XRCC5: variants seen among roughly 807,000 people sequenced by gnomAD.
The protein encoded by XRCC5 is X-ray repair cross complementing 5, also known as DNA repair protein Ku80.
XRCC5 carries 12 observed loss-of-function variants against 95.7 expected under a neutral mutation model. The ratio of observed to expected loss-of-function variants is 0.13; its 90% CI spans 0.08 to 0.20. XRCC5 has a LOEUF of 0.20. Among genes scored for constraint, XRCC5 ranks in the 10% least tolerant of loss-of-function variants. XRCC5 has a pLI of 1.00. For missense variants in XRCC5, 595 were observed against 873.9 expected (o/e 0.68, Z 4.02); for synonymous variants, 281 against 290.3 (o/e 0.97, Z 0.33).
rs1384716702 is a variant in XRCC5, at chr2:216,195,294, T to A, written c.2109+308T>A. 3.3e-5 allele frequency among the ~76,000 whole-genome samples: 5 copies of A among 150,774 alleles called. No homozygotes were observed. The Admixed American group carries it at 3.3e-4, about 10-fold the overall frequency. On this transcript the variant is annotated intron_variant, in intron 19 of 20. Coordinates refer to ENST00000392132, the MANE Select transcript of XRCC5 (RefSeq NM_021141.4). ...CTGGTAAAGGCTATGAAATCCACAG[T>A]GATTCCCACCCTGGCCACACATTAG... is the stretch of plus-strand genomic sequence containing the variant.
intron 3 of XRCC5, chr2:216,117,376 A>G (rs1696717011): frequency 8.8e-6 from 2 of 226,144 alleles, no homozygotes; most frequent in South Asian, 2.0e-4. Flanking sequence ...ATCACTGGGA[A>G]GTGCTGTTGT....
intron 4 of XRCC5, among the ~76,000 whole-genome samples, chr2:216,118,636 C>G (rs1338221504): frequency 1.3e-5 from 2 of 152,208 alleles, no homozygotes; most frequent in Non-Finnish European, 2.9e-5. Flanking sequence ...TCTGTACATC[C>G]TCTGCCAAAT....
chr2:216,113,074 T>C lies in XRCC5; in HGVS notation c.80T>C (p.Ile27Thr), dbSNP rs768163718. 1.9e-6 allele frequency: 3 copies of C among 1,614,052 alleles called. No individual in the cohort carries two copies. The highest frequency in any genetic ancestry group is 2.5e-6 in the Non-Finnish European group (3 of 1,180,016). The part of the protein sequence containing the change: ...GFTMSNSIPG[I>T]ESPFEQAKKV... The stretch of plus-strand genomic sequence containing the variant: ...ACCATGAGTAACTCCATTCCTGGTA[T>C]AGAATCCCCATTTGAACAAGCAAAG... Residue 27 changes from isoleucine to threonine, a missense_variant, in exon 2 of 21, where the codon ATA becomes ACA. Around this residue, in one of 2 missense-constraint regions of XRCC5, gnomAD observed 286 missense variants for 491.1 expected, o/e 0.58. Transcript: ENST00000392132.
At chr2:216,168,534 C>A (rs979317960) in intron 16 of XRCC5, among the ~76,000 whole-genome samples, 6 of 152,176 alleles carry the variant, frequency 3.9e-5, no homozygotes, top group African/African-American at 1.4e-4. Flanking sequence ...TCTATTCTTA[C>A]CCAGCCTTTA....
chr2:216,118,554 T>TA (rs1696744021), intron 4 of XRCC5, among the ~76,000 whole-genome samples: 1 of 152,216 alleles, frequency 6.6e-6, no homozygotes, highest in Non-Finnish European at 1.5e-5. Context: ...CATGTACACA[T>TA]ACCTCTTGCC....
In XRCC5 at chr2:216,156,686, C is replaced by A. The variant is rs867132015; in HGVS notation, c.1671-3382C>A. 4.6e-5 allele frequency: 25 copies of A among 543,100 alleles called. 1 individual carries two copies. The highest frequency in any genetic ancestry group is 3.5e-4 in the South Asian group (25 of 72,248). 33.6% of individuals were successfully genotyped at this position (543,100 alleles called of 1,614,324 possible). On this transcript the variant is annotated intron_variant, in intron 14 of 20. Coordinates refer to ENST00000392132, the MANE Select transcript of XRCC5 (RefSeq NM_021141.4). Reference sequence around the variant, plus strand: ...TCATAACTCACTGCAATTATTCTACCACCTTCCATGATTTGTACTACACAG... The same window carrying A: ...TCATAACTCACTGCAATTATTCTACAACCTTCCATGATTTGTACTACACAG...
chr2:216,202,856 T>A (rs1689865063), intron 19 of XRCC5, among the ~76,000 whole-genome samples: 1 of 152,240 alleles, frequency 6.6e-6, no homozygotes, highest in Non-Finnish European at 1.5e-5. Context: ...TCCACTGTTA[T>A]CACTTTGTTA....
chr2:216,141,291 C>T lies in XRCC5; in HGVS notation c.1448C>T (p.Pro483Leu). ...GACTTGTTTCCAACCACCAAAATCC[C>T]AAATCCTCGATTTCAGAGATTATTT... ...LEDLFPTTKIPNPRFQRLFQC... is the reference protein window; with the variant it reads ...LEDLFPTTKILNPRFQRLFQC... The change falls in exon 13 of 21, where the codon CCA (proline) becomes CTA (leucine). Residue 483 changes from proline (P) to leucine (L), a missense_variant. By Grantham distance (98) the Pro-to-Leu change is moderately conservative. This residue lies in a region of XRCC5 where 309 missense variants were observed against 382.9 expected (regional missense o/e 0.81). Coordinates refer to ENST00000392132, the MANE Select transcript of XRCC5 (RefSeq NM_021141.4). 1 of 1,614,058 alleles carries T rather than the reference C, an allele frequency of 6.2e-7. No individual in the cohort carries two copies. The highest frequency in any genetic ancestry group is 8.5e-7 in the Non-Finnish European group (1 of 1,179,976).
At chr2:216,191,949 G>A (rs775213399) in intron 17 of XRCC5, among the ~76,000 whole-genome samples, 9 of 152,160 alleles carry the variant, frequency 5.9e-5, no homozygotes, top group Non-Finnish European at 4.4e-5. Context: ...GGAGAAGAAG[G>A]TCATAGTATA....
chr2:216,140,727 A>T (rs1044147315), intron 12 of XRCC5, among the ~76,000 whole-genome samples: 2 of 152,136 alleles, frequency 1.3e-5, no homozygotes, highest in Non-Finnish European at 2.9e-5. Context: ...AAGGTGCTGT[A>T]CTCTGATAAA....
In XRCC5 at chr2:216,122,110, T is replaced by G; in HGVS notation, c.540T>G (p.Asp180Glu). The change falls in exon 6 of 21, where the codon GAT (aspartate) becomes GAG (glutamate). Residue 180 changes from aspartate to glutamate, a missense_variant. Physicochemically the swap from Asp to Glu is conservative, Grantham distance 45. This residue lies in a region of XRCC5 where 286 missense variants were observed against 491.1 expected (regional missense o/e 0.58). Transcript: ENST00000392132. Reference sequence around the variant, plus strand: ...AAGATGGAAGTGGGGACAGAGGAGATGGCCCCTTTCGCTTAGGTGGCCATG... The same window carrying G: ...AAGATGGAAGTGGGGACAGAGGAGAGGGCCCCTTTCGCTTAGGTGGCCATG... ...GKEDGSGDRG[D>E]GPFRLGGHGP... 6.2e-7 allele frequency: 1 copy of G among 1,614,146 alleles called. No individual in the cohort carries two copies. Among genetic ancestry groups the G allele is most frequent in the Non-Finnish European group, 8.5e-7 (1 of 1,180,008 alleles).
At chr2:216,148,446 G>A (rs41296410) in intron 14 of XRCC5, among the ~76,000 whole-genome samples, 170 bp downstream of exon 14, 1 of 152,154 alleles carries the variant, frequency 6.6e-6, no homozygotes, top group African/African-American at 2.4e-5. Context: ...ATATCTGTCT[G>A]CTGTGATCAT....
At chr2:216,196,827 G>A (rs1045021001) in intron 19 of XRCC5, among the ~76,000 whole-genome samples, 2 of 152,168 alleles carry the variant, frequency 1.3e-5, no homozygotes, top group Non-Finnish European at 2.9e-5. Context: ...CTAGAGTAGT[G>A]TTTGATGGAA....
intron 16 of XRCC5, among the ~76,000 whole-genome samples, chr2:216,166,660 G>C (rs1689058868): frequency 6.6e-6 from 1 of 152,112 alleles, no homozygotes; most frequent in Non-Finnish European, 1.5e-5. Context: ...ATGATTTTCA[G>C]CTCCTTGCGC....
In XRCC5 at chr2:216,205,523, A is replaced by G; in HGVS notation, c.*321A>G. The G allele has an allele frequency of 2.9e-6, 1 of 345,464 alleles. No individual in the cohort carries two copies. The highest frequency in any genetic ancestry group is 3.6e-5 in the South Asian group (1 of 27,420). The allele number at this position is 345,464 out of a possible 1,614,324, so 21.4% of individuals were successfully genotyped here. A position where few individuals can be genotyped will look rare whatever the true frequency, so the allele number is the denominator to read the frequency against. On this transcript the variant is annotated 3_prime_UTR_variant, in exon 21 of 21. Transcript: ENST00000392132. ...TGGAAAGTAGATCTTTTCTTGACCT[A>G]GTATATCAGTGACAGTTGCAGCCCT... is the stretch of plus-strand genomic sequence containing the variant.
chr2:216,110,968 A>G (rs1002902068), intron 1 of XRCC5, among the ~76,000 whole-genome samples: 9 of 152,188 alleles, frequency 5.9e-5, no homozygotes. Flanking sequence ...GTGAAAAATA[A>G]TCTTTTCTTT....
At chr2:216,187,859 TCTCC>T (rs774392294) in intron 16 of XRCC5, among the ~76,000 whole-genome samples, 1 of 110,510 alleles carries the variant, frequency 9.0e-6, no homozygotes, top group Admixed American at 8.4e-5. Flanking sequence ...TCTCTCTCTC[TCTCC>T]CCGTCTCCCT....
At chr2:216,202,128 C>T (rs1689843251) in intron 19 of XRCC5, among the ~76,000 whole-genome samples, 1 of 152,154 alleles carries the variant, frequency 6.6e-6, no homozygotes, top group South Asian at 2.1e-4. Context: ...TCTAAGGGGT[C>T]ATACAAGATG....
intron 8 of XRCC5, among the ~76,000 whole-genome samples, chr2:216,129,955 T>C (rs946332545): frequency 6.6e-6 from 1 of 152,174 alleles, no homozygotes; most frequent in Non-Finnish European, 1.5e-5. Context: ...GGATTACAGG[T>C]GTGAGCCACT....
Sources: allele counts gnomAD v4.1 joint callset (sites outside exome capture counted in the v4.1 genomes callset), GRCh38; gene constraint gnomAD v4.1.1; regional missense constraint gnomAD v4.1.1; transcripts MANE v1.5; gene names NCBI Gene and HGNC (gene_info 2026-07-23, HGNC 2026-07-21).